Variants in ANXA8 observed in about 807,000 individuals in gnomAD.
ANXA8 encodes the protein VAC-beta.
Under a neutral mutation model 26.8 loss-of-function variants are expected in ANXA8, and 9 were observed. The observed-to-expected ratio is 0.34, with a 90% CI of 0.20 to 0.59. ANXA8 has a LOEUF of 0.59. ANXA8 is among the 20% of genes least tolerant of loss of function. ANXA8 has a pLI of 0.84. For synonymous variants in ANXA8, 39 were observed against 94.8 expected (o/e 0.41, Z 3.42); for missense variants, 83 against 238.5 (o/e 0.35, Z 4.29).
the ANXA8 span, among the ~76,000 whole-genome samples, chr10:47,546,415 T>G: frequency 5.2e-5 from 6 of 114,804 alleles, no homozygotes; most frequent in African/African-American, 2.2e-4. Context: ...TTTTTTTTTT[T>G]TTTTTGAGAC....
chr10:47,701,230 C>T, the ANXA8 span, among the ~76,000 whole-genome samples: 3 of 150,380 alleles, frequency 2.0e-5, no homozygotes, highest in African/African-American at 7.4e-5. Flanking sequence ...TCTGTTGGCG[C>T]AACTGTGAGG....
the ANXA8 span, among the ~76,000 whole-genome samples, chr10:47,703,348 G>A: frequency 1.3e-5 from 2 of 151,604 alleles, no homozygotes; most frequent in South Asian, 2.1e-4. Context: ...CAGGTGGGTG[G>A]CTTGAGCCCA....
the ANXA8 span, among the ~76,000 whole-genome samples, chr10:47,975,677 T>C: frequency 2.0e-5 from 3 of 151,152 alleles, no homozygotes; most frequent in African/African-American, 7.3e-5. Context: ...CATTAAATGA[T>C]ATCAGATTTC....
the ANXA8 span, among the ~76,000 whole-genome samples, chr10:47,618,414 A>C: frequency 9.0e-6 from 1 of 111,162 alleles, no homozygotes; most frequent in South Asian, 2.9e-4. Flanking sequence ...TTTCCTTATG[A>C]TTTCGTCAAT....
the ANXA8 span, among the ~76,000 whole-genome samples, chr10:47,733,189 CTT>C: frequency 3.0e-4 from 35 of 115,840 alleles, no homozygotes; most frequent in African/African-American, 8.5e-4. Flanking sequence ...TTCTTTCTTT[CTT>C]TCTTTCTTTC....
chr10:47,947,334 T>G, the ANXA8 span, among the ~76,000 whole-genome samples: 1 of 139,858 alleles, frequency 7.2e-6, no homozygotes, highest in East Asian at 2.5e-4. Context: ...CAGGCCTCTT[T>G]GCAGAACCTC....
chr10:47,936,983 G>A, the ANXA8 span, among the ~76,000 whole-genome samples: 13 of 149,880 alleles, frequency 8.7e-5, no homozygotes, highest in African/African-American at 2.4e-4. Flanking sequence ...CTTGCTAAAG[G>A]GAGGCTGCTC....
chr10:47,679,042 CAAAAA>C, the ANXA8 span, among the ~76,000 whole-genome samples: 2 of 65,118 alleles, frequency 3.1e-5, no homozygotes, highest in East Asian at 4.0e-4. Context: ...GAACCTATCT[CAAAAA>C]AAAAAAAAAA....
At chr10:47,655,940 A>G in the ANXA8 span, among the ~76,000 whole-genome samples, 2 of 151,974 alleles carry the variant, frequency 1.3e-5, no homozygotes, top group East Asian at 3.8e-4. Context: ...GAATCGCTTG[A>G]ACCTGGGAGG....
chr10:47,491,725 T>A, the ANXA8 span: 1 of 1,545,294 alleles, frequency 6.5e-7, no homozygotes, highest in Non-Finnish European at 8.7e-7. Context: ...TGGCCCAACA[T>A]GCTTTTATAG....
chr10:47,653,107 T>A, the ANXA8 span, among the ~76,000 whole-genome samples: 16 of 150,444 alleles, frequency 1.1e-4, no homozygotes, highest in African/African-American at 4.0e-4. Context: ...AGGTTAGGAG[T>A]TCGAGACCAG....
intron 1 of ANXA8, among the ~76,000 whole-genome samples, 154 bp downstream of exon 1, chr10:47,483,759 G>C (rs1237133996): frequency 2.0e-5 from 3 of 148,162 alleles, no homozygotes; most frequent in African/African-American, 7.6e-5. Context: ...GTTTCTTCTC[G>C]GCCCCTTCCC....
the ANXA8 span, among the ~76,000 whole-genome samples, chr10:47,587,286 C>A: frequency 2.7e-5 from 4 of 149,034 alleles, no homozygotes; most frequent in African/African-American, 1.0e-4. Context: ...ACCTGCAATA[C>A]CTGAGGATGC....
At chr10:47,945,084 T>C in the ANXA8 span, among the ~76,000 whole-genome samples, 2 of 150,584 alleles carry the variant, frequency 1.3e-5, no homozygotes, top group South Asian at 2.1e-4. Flanking sequence ...CCCTCTGGGA[T>C]GCTCTTGCTG....
At chr10:47,547,961 T>TA in the ANXA8 span, among the ~76,000 whole-genome samples, 1 of 141,720 alleles carries the variant, frequency 7.1e-6, no homozygotes, top group African/African-American at 2.6e-5. Flanking sequence ...TGTTTAAAAT[T>TA]AGAAACTTGC....
chr10:47,599,431 T>G, the ANXA8 span, among the ~76,000 whole-genome samples: 2 of 148,648 alleles, frequency 1.3e-5, no homozygotes, highest in East Asian at 1.9e-4. Context: ...GATCTTTTTT[T>G]TTTCTCTTTT....
the ANXA8 span, among the ~76,000 whole-genome samples, chr10:47,951,811 C>CAAAAAAAA: frequency 1.8e-4 from 17 of 94,548 alleles, no homozygotes; most frequent in Admixed American, 2.6e-4. Flanking sequence ...ACTCTGTCTC[C>CAAAAAAAA]AAAAAAAAAA....
At chr10:47,527,978 C>T in the ANXA8 span, among the ~76,000 whole-genome samples, 13 of 147,034 alleles carry the variant, frequency 8.8e-5, no homozygotes, top group African/African-American at 3.2e-4. Flanking sequence ...CTTTGGATTC[C>T]TACAAAAGCA....
the ANXA8 span, chr10:47,763,153 C>T: frequency 4.6e-5 from 45 of 989,004 alleles, no homozygotes; most frequent in East Asian, 1.6e-3. Flanking sequence ...GACCCCGGCT[C>T]GGGGGAGCCT....
Sources: gnomAD v4.1 joint callset for allele counts (sites outside exome capture counted in the v4.1 genomes callset) on GRCh38, gnomAD v4.1.1 for gene constraint, MANE v1.5 for transcripts, NCBI Gene and HGNC (gene_info 2026-07-23, HGNC 2026-07-21) for gene names.